The following KCNJ6 variants were observed in gnomAD, a reference collection of about 807,000 sequenced individuals.
The protein encoded by KCNJ6 is G protein-activated inward rectifier potassium channel 2.
KCNJ6 carries 9 observed loss-of-function variants against 34.2 expected under a neutral mutation model. That is an observed-to-expected ratio of 0.26 (90% CI 0.16 to 0.46). The LOEUF (loss-of-function observed/expected upper bound fraction) is 0.46, where lower values mean the gene tolerates loss of function less well. Ranked by LOEUF, KCNJ6 falls within the 20% of genes least tolerant of loss-of-function variation. The probability of loss-of-function intolerance (pLI) is 1.00; values close to 1 mark genes in which losing one functional copy is unlikely to be tolerated. For synonymous variants in KCNJ6, 196 were observed against 207.1 expected, an observed-to-expected ratio of 0.95 and a Z score of 0.46; for missense variants, 236 against 531.3, an observed-to-expected ratio of 0.44 and a Z score of 5.46.
At chr21:37,722,325 T>C (rs1033226267) in intron 2 of KCNJ6, among the ~76,000 whole-genome samples, 2 of 152,190 alleles carry the variant, frequency 1.3e-5, no homozygotes, top group Non-Finnish European at 2.9e-5. Context: ...CCCATGCTCA[T>C]GGACTGGAAG....
intron 2 of KCNJ6, among the ~76,000 whole-genome samples, chr21:37,813,699 T>C (rs1244392751): frequency 6.6e-6 from 1 of 152,176 alleles, no homozygotes; most frequent in Non-Finnish European, 1.5e-5. Context: ...TGGATATCCA[T>C]ATGCAGAAGA....
At chr21:37,846,709 TC>T (rs1423287865) in intron 1 of KCNJ6, among the ~76,000 whole-genome samples, 1 of 152,166 alleles carries the variant, frequency 6.6e-6, no homozygotes, top group Non-Finnish European at 1.5e-5. Context: ...GTGATTTTTT[TC>T]CCAAAATACA....
Position 37,859,528 on chromosome 21 carries a change from TATAA to T in KCNJ6, c.-27-18823_-27-18820del, listed in dbSNP as rs1190474197. Among the ~76,000 whole-genome samples the T allele has an allele frequency of 5.7e-3, 529 of 93,486 alleles. 26 individuals carry two copies. Among genetic ancestry groups the T allele is most frequent in the Middle Eastern group, 0.02 (4 of 202 alleles). The allele number at this position is 93,486 out of a possible 152,430, so 61.3% of individuals were successfully genotyped here. On this transcript the variant is annotated intron_variant, in intron 1 of 3. Coordinates refer to ENST00000609713, the MANE Select transcript of KCNJ6 (RefSeq NM_002240.5). ...ATATATATATATATATATATATATATATAAAATACTTAAAAAGCTCTACAGATGA... is the reference window on the plus strand; with the variant it reads ...ATATATATATATATATATATATATATAATACTTAAAAAGCTCTACAGATGA...
intron 2 of KCNJ6, among the ~76,000 whole-genome samples, chr21:37,780,345 G>T (rs2055163304): frequency 6.6e-6 from 1 of 152,184 alleles, no homozygotes; most frequent in Non-Finnish European, 1.5e-5. Flanking sequence ...GAACCCAGAG[G>T]AATTTTAGGG....
At chr21:37,885,173 T>C (rs544155961) in intron 1 of KCNJ6, among the ~76,000 whole-genome samples, 5 of 152,302 alleles carry the variant, frequency 3.3e-5, no homozygotes, top group Middle Eastern at 3.4e-3. Context: ...AATTCTGAAC[T>C]GAAAATCATT....
At chr21:37,888,732 A>C (rs1013362596) in intron 1 of KCNJ6, among the ~76,000 whole-genome samples, 2 of 152,152 alleles carry the variant, frequency 1.3e-5, no homozygotes, top group African/African-American at 2.4e-5. Context: ...AGAGATCTGC[A>C]CCTCATTTGT....
chr21:37,805,984 T>C (rs955071061), intron 2 of KCNJ6, among the ~76,000 whole-genome samples: 3 of 152,248 alleles, frequency 2.0e-5, no homozygotes, highest in South Asian at 4.1e-4. Flanking sequence ...TCTGTTGTTT[T>C]AAGTGCCCAC....
intron 3 of KCNJ6, among the ~76,000 whole-genome samples, chr21:37,698,940 C>T (rs1421861495): frequency 6.6e-6 from 1 of 152,108 alleles, no homozygotes; most frequent in Admixed American, 6.5e-5. Flanking sequence ...CTCAAGCCAT[C>T]CTCCTGCCTT....
At chr21:37,839,423 ATAACTTT>A (rs2055467909) in intron 2 of KCNJ6, among the ~76,000 whole-genome samples, 1 of 152,224 alleles carries the variant, frequency 6.6e-6, no homozygotes, top group South Asian at 2.1e-4. Flanking sequence ...ATCAATGTAA[ATAACTTT>A]TTAACGTTAT....
At position 37,859,532 on chromosome 21, in the gene KCNJ6, A is replaced by ATATATAT. The variant is rs1568875152; in HGVS notation, c.-27-18824_-27-18823insATATATA. ...ATATATATATATATATATATATATA[A>ATATATAT]AATACTTAAAAAGCTCTACAGATGA... On this transcript the variant is annotated intron_variant, in intron 1 of 3. Transcript: ENST00000609713. Among the ~76,000 whole-genome samples, 410 of 77,402 alleles carry ATATATAT rather than the reference A, an allele frequency of 5.3e-3. 9 individuals are homozygous for ATATATAT. Among genetic ancestry groups the ATATATAT allele is most frequent in the African/African-American group, 0.01 (132 of 13,196 alleles). The allele number at this position is 77,402 out of a possible 152,430, so 50.8% of individuals were successfully genotyped here.
At chr21:37,632,874 A>G (rs552572027) in intron 3 of KCNJ6, among the ~76,000 whole-genome samples, 1 of 152,276 alleles carries the variant, frequency 6.6e-6, no homozygotes, top group Admixed American at 6.5e-5. Context: ...GAAATTACAA[A>G]GCCCAGACAA....
chr21:37,665,754 G>C lies in KCNJ6; in HGVS notation c.947-40270C>G, dbSNP rs1539905. ...AGTATCACAGACAATTTTTGTAGCC[G>C]AGCGTTGCTGCTGTTTAGTAATTCA... On this transcript the variant is annotated intron_variant, in intron 3 of 3. Coordinates refer to ENST00000609713, the MANE Select transcript of KCNJ6 (RefSeq NM_002240.5). 5.9e-5 allele frequency among the ~76,000 whole-genome samples: 9 copies of C among 152,372 alleles called. No homozygotes were observed. The East Asian group carries it at 7.7e-4, about 13-fold the overall frequency.
At chr21:37,657,339 G>A (rs2054468812) in intron 3 of KCNJ6, among the ~76,000 whole-genome samples, 1 of 152,230 alleles carries the variant, frequency 6.6e-6, no homozygotes, top group Admixed American at 6.5e-5. Context: ...ATAAGGGTGG[G>A]AGAGAAGAGG....
intron 2 of KCNJ6, among the ~76,000 whole-genome samples, chr21:37,722,698 A>G (rs1047043083): frequency 3.9e-5 from 6 of 152,212 alleles, no homozygotes; most frequent in Admixed American, 1.3e-4. Context: ...AGGACTTTCT[A>G]TTTAATAATG....
At chr21:37,741,933 T>G (rs2054943097) in intron 2 of KCNJ6, among the ~76,000 whole-genome samples, 1 of 152,200 alleles carries the variant, frequency 6.6e-6, no homozygotes, top group Non-Finnish European at 1.5e-5. Flanking sequence ...CAGAGGCTAT[T>G]TATTCACACG....
In KCNJ6 at chr21:37,872,959, G is replaced by T. The variant is rs577618373; in HGVS notation, c.-27-32250C>A. The stretch of plus-strand genomic sequence containing the variant: ...TGAAGAGGTGCCTTCCACCATGATT[G>T]TAAGTTTCCTGAGGCCTCCCCAGCC... On this transcript the variant is annotated intron_variant, in intron 1 of 3. Transcript: ENST00000609713. Among the ~76,000 whole-genome samples the T allele has an allele frequency of 1.4e-4, 21 of 152,256 alleles. No individual in the cohort carries two copies. In the South Asian group the frequency reaches 4.4e-3, roughly 32 times the overall value.
At chr21:37,658,172 A>G (rs2054472765) in intron 3 of KCNJ6, among the ~76,000 whole-genome samples, 1 of 152,270 alleles carries the variant, frequency 6.6e-6, no homozygotes, top group Non-Finnish European at 1.5e-5. Flanking sequence ...CACGACTCAG[A>G]CATTCATTTT....
chr21:37,829,921 T>C (rs555981916), intron 2 of KCNJ6, among the ~76,000 whole-genome samples: 1 of 152,308 alleles, frequency 6.6e-6, no homozygotes, highest in South Asian at 2.1e-4. Flanking sequence ...GAGGAAGTCA[T>C]CGGGCAGGCC....
intron 2 of KCNJ6, among the ~76,000 whole-genome samples, chr21:37,721,725 A>G (rs552243039): frequency 6.6e-6 from 1 of 152,380 alleles, no homozygotes; most frequent in African/African-American, 2.4e-5. Flanking sequence ...GCCTCATTGG[A>G]AATAGATTTC....
Sources: gnomAD v4.1 joint callset for allele counts (sites outside exome capture counted in the v4.1 genomes callset) on GRCh38, gnomAD v4.1.1 for gene constraint, MANE v1.5 for transcripts, NCBI Gene and HGNC (gene_info 2026-07-23, HGNC 2026-07-21) for gene names.